ITIH5: variants seen among roughly 807,000 people sequenced by gnomAD.
ITIH5 encodes inter-alpha-trypsin inhibitor heavy chain 5, also known as inter-alpha-trypsin inhibitor heavy chain H5.
ITIH5 carries 65 observed loss-of-function variants against 77.5 expected under a neutral mutation model. That is an observed-to-expected ratio of 0.84 (90% confidence interval 0.69 to 1.03). ITIH5 has a LOEUF of 1.03. Among genes scored for constraint, ITIH5 ranks in the 50% least tolerant of loss-of-function variants. ITIH5 has a pLI of 0.00. For synonymous variants in ITIH5, 525 were observed against 494.3 expected, an observed-to-expected ratio of 1.06 and a Z score of -0.82; for missense variants, 1,208 against 1,213.1, an observed-to-expected ratio of 1.00 and a Z score of 0.06.
Position 7,660,441 on chromosome 10 carries a change from C to T in ITIH5, c.91-4766G>A, listed in dbSNP as rs572930066. 2.6e-5 allele frequency among the ~76,000 whole-genome samples: 4 copies of T among 152,204 alleles called. No individual in the cohort carries two copies. In the East Asian group the frequency reaches 7.7e-4, roughly 29 times the overall value. ...TGCACCTGCCTCTAACACAAATGGA[C>T]CCAGCAACATCACCACCAGGAAACA... On this transcript the variant is annotated intron_variant, in intron 1 of 13. Coordinates refer to ENST00000397146, the MANE Select transcript of ITIH5 (RefSeq NM_030569.7).
intron 12 of ITIH5, chr10:7,569,423 T>C (rs906063901): frequency 5.0e-5 from 20 of 398,492 alleles, no homozygotes; most frequent in African/African-American, 3.1e-4. Flanking sequence ...AGAGTGTTCC[T>C]ATCTCCATTT....
chr10:7,649,403 A>G (rs1031851294), intron 2 of ITIH5, among the ~76,000 whole-genome samples: 6 of 151,698 alleles, frequency 4.0e-5, no homozygotes, highest in Admixed American at 3.9e-4. Context: ...TTCTTTTTTT[A>G]CCTACAGCTC....
intron 4 of ITIH5, among the ~76,000 whole-genome samples, chr10:7,640,146 T>TAAAAA (rs1588420394): frequency 1.1e-4 from 2 of 17,582 alleles, no homozygotes; most frequent in Non-Finnish European, 2.2e-4. Context: ...AGGGGGTAAC[T>TAAAAA]ACAAAAAAAA....
At chr10:7,656,521 AT>A (rs1265393618) in intron 1 of ITIH5, among the ~76,000 whole-genome samples, 4 of 151,708 alleles carry the variant, frequency 2.6e-5, no homozygotes, top group Non-Finnish European at 4.4e-5. Context: ...CAGCCAAAAG[AT>A]TTTTTTTAAA....
At chr10:7,666,056 G>A (rs1013829998) in intron 1 of ITIH5, among the ~76,000 whole-genome samples, 3 of 152,196 alleles carry the variant, frequency 2.0e-5, no homozygotes, top group South Asian at 2.1e-4. Flanking sequence ...TATTTAAATG[G>A]CATGTGTGTG....
At chr10:7,602,674 T>C in intron 7 of ITIH5, among the ~76,000 whole-genome samples, 1 of 152,182 alleles carries the variant, frequency 6.6e-6, no homozygotes, top group Non-Finnish European at 1.5e-5. Context: ...CATAAATTAC[T>C]CAGTCTCGGG....
chr10:7,609,805 C>A (rs924493325), intron 7 of ITIH5, among the ~76,000 whole-genome samples: 1 of 152,070 alleles, frequency 6.6e-6, no homozygotes, highest in Admixed American at 6.6e-5. Flanking sequence ...GTGATCCATT[C>A]GTCACTGCTT....
intron 7 of ITIH5, among the ~76,000 whole-genome samples, chr10:7,596,385 C>T (rs566199610): frequency 8.5e-5 from 13 of 152,306 alleles, no homozygotes; most frequent in African/African-American, 2.6e-4. Context: ...AGGGAGCCCA[C>T]GGAAGAGCCA....
chr10:7,576,169 C>T (rs1475986223), intron 10 of ITIH5, among the ~76,000 whole-genome samples: 1 of 152,074 alleles, frequency 6.6e-6, no homozygotes, highest in African/African-American at 2.4e-5. Flanking sequence ...AGACTACAGG[C>T]ATTCCACCAT....
chr10:7,587,529 G>A (rs965302433), intron 7 of ITIH5, among the ~76,000 whole-genome samples: 4 of 152,204 alleles, frequency 2.6e-5, no homozygotes, highest in African/African-American at 9.7e-5. Flanking sequence ...CTGGGGCCCT[G>A]AGCAGTAAGC....
chr10:7,569,010 C>CTTTTTTTTTTTTTTT (rs5782983), intron 12 of ITIH5, among the ~76,000 whole-genome samples: 52 of 71,598 alleles, frequency 7.3e-4, no homozygotes, highest in African/African-American at 1.1e-3. Flanking sequence ...TTTTCTTTTT[C>CTTTTTTTTTTTTTTT]TTTTTTTTTT....
intron 7 of ITIH5, among the ~76,000 whole-genome samples, chr10:7,602,682 G>A (rs1010863867): frequency 5.9e-5 from 9 of 152,092 alleles, no homozygotes; most frequent in South Asian, 2.1e-4. Context: ...ACTCAGTCTC[G>A]GGTATTTCTT....
At position 7,562,371 on chromosome 10, in the gene ITIH5, T is replaced by C. The variant is rs1832055244; in HGVS notation, c.*712A>G. 6.6e-6 allele frequency: 1 copy of C among 152,226 alleles called. No individual in the cohort carries two copies. 9.4% of individuals were successfully genotyped at this position (152,226 alleles called of 1,614,324 possible). A position where few individuals can be genotyped will look rare whatever the true frequency, so the allele number is the denominator to read the frequency against. On this transcript the variant is annotated 3_prime_UTR_variant, in exon 14 of 14. Transcript: ENST00000397146. ...AATTGGAGAATAGCCATTAGCAAAG[T>C]CAAGTGGTTTACAAAGCCCATTAGA...
intron 7 of ITIH5, among the ~76,000 whole-genome samples, chr10:7,589,880 C>G (rs548098884): frequency 2.0e-5 from 3 of 152,164 alleles, no homozygotes; most frequent in African/African-American, 7.2e-5. Flanking sequence ...CCCGGCTCCT[C>G]CCTGGAGGGG....
intron 2 of ITIH5, among the ~76,000 whole-genome samples, chr10:7,646,710 A>G (rs941794785): frequency 4.6e-5 from 7 of 152,154 alleles, no homozygotes; most frequent in African/African-American, 1.2e-4. Context: ...TTGTCCCTCA[A>G]TCCCCTCTAT....
At chr10:7,598,651 C>G (rs778933023) in intron 7 of ITIH5, among the ~76,000 whole-genome samples, 19 of 152,120 alleles carry the variant, frequency 1.2e-4, no homozygotes, top group Non-Finnish European at 2.6e-4. Context: ...TATCGCAACT[C>G]TGATTCAAAA....
intron 1 of ITIH5, among the ~76,000 whole-genome samples, chr10:7,663,880 C>A (rs2131120579): frequency 6.6e-6 from 1 of 152,308 alleles, no homozygotes; most frequent in Non-Finnish European, 1.5e-5. Flanking sequence ...AAGCTCCTAG[C>A]AAACTCCCTG....
At chr10:7,652,124 C>T (rs1834110685) in intron 2 of ITIH5, among the ~76,000 whole-genome samples, 1 of 152,142 alleles carries the variant, frequency 6.6e-6, no homozygotes, top group African/African-American at 2.4e-5. Context: ...CACAAAGATC[C>T]CCCTGCTTTC....
intron 7 of ITIH5, 74 bp from the exon 8 acceptor site, chr10:7,586,143 CCCCG>C: frequency 3.0e-6 from 4 of 1,322,260 alleles, no homozygotes; most frequent in South Asian, 1.5e-5. Flanking sequence ...TAGAAACCGC[CCCCG>C]CCCCCCAGGA....
Sources: allele counts gnomAD v4.1 joint callset (sites outside exome capture counted in the v4.1 genomes callset), GRCh38; gene constraint gnomAD v4.1.1; transcripts MANE v1.5; gene names NCBI Gene and HGNC (gene_info 2026-07-23, HGNC 2026-07-21).